Variants in SPATA6 observed in about 807,000 individuals in gnomAD.
The protein encoded by SPATA6 is spermatogenesis-associated protein 6.
In SPATA6, 56 loss-of-function variants were observed where a neutral mutation model predicts 65.3. That is an observed-to-expected ratio of 0.86 (90% CI 0.69 to 1.07). The LOEUF (loss-of-function observed/expected upper bound fraction) is 1.07. SPATA6 is among the 50% of genes least tolerant of loss of function. The pLI, the probability that SPATA6 is intolerant of heterozygous loss-of-function variation, is 0.00. For synonymous variants in SPATA6, 199 were observed against 213.2 expected, an observed-to-expected ratio of 0.93 and a Z score of 0.58; for missense variants, 590 against 594.8, an observed-to-expected ratio of 0.99 and a Z score of 0.08.
intron 7 of SPATA6, among the ~76,000 whole-genome samples, chr1:48,397,179 A>C (rs1021056411): frequency 6.6e-6 from 1 of 151,700 alleles, no homozygotes; most frequent in Non-Finnish European, 1.5e-5. Context: ...CAGAAAGCAG[A>C]TTAGTGATTG....
At position 48,356,067 on chromosome 1, in the gene SPATA6, G is replaced by A. The variant is rs190357627; in HGVS notation, c.1095-298C>T. Among the ~76,000 whole-genome samples, 7 of 151,780 alleles carry A rather than the reference G, an allele frequency of 4.6e-5. No homozygotes were observed. In the East Asian group the frequency reaches 1.4e-3, roughly 29 times the overall value. The stretch of plus-strand genomic sequence containing the variant: ...CTGTGTGAAAAAATTCCTTTCTGCA[G>A]AGAAAAAAAATACCTAATTTTATGA... On this transcript the variant is annotated intron_variant, in intron 10 of 12. Coordinates refer to ENST00000371847, the MANE Select transcript of SPATA6 (RefSeq NM_019073.4).
intron 9 of SPATA6, among the ~76,000 whole-genome samples, chr1:48,375,862 T>G (rs531081792): frequency 1.3e-5 from 2 of 152,154 alleles, no homozygotes; most frequent in East Asian, 3.9e-4. Flanking sequence ...TTGGATAATT[T>G]TTTATATAAA....
intron 11 of SPATA6, among the ~76,000 whole-genome samples, chr1:48,354,314 A>G (rs1646596607): frequency 1.3e-5 from 2 of 152,218 alleles, no homozygotes; most frequent in African/African-American, 4.8e-5. Flanking sequence ...TGTTAAAACC[A>G]TGTGCAACAT....
At chr1:48,292,586 G>C (rs1644775313), downstream of SPATA6, among the ~76,000 whole-genome samples, 1 of 152,248 alleles carries the variant, frequency 6.6e-6, no homozygotes, top group East Asian at 1.9e-4. Flanking sequence ...TGTTTATGTG[G>C]TGGCAAGAGG....
intron 11 of SPATA6, chr1:48,326,127 G>C (rs1011198829): frequency 6.5e-6 from 1 of 154,798 alleles, no homozygotes; most frequent in Non-Finnish European, 1.4e-5. Flanking sequence ...CCACCATCTT[G>C]CATCTTCCCC....
At position 48,296,056 on chromosome 1, in the gene SPATA6, G is replaced by A. The variant is rs190693948; in HGVS notation, c.*2657C>T. 1.9e-4 allele frequency: 29 copies of A among 151,514 alleles called. No individual in the cohort carries two copies. Among genetic ancestry groups the A allele is most frequent in the African/African-American group, 4.6e-4 (19 of 41,308 alleles). 9.4% of individuals were successfully genotyped at this position (151,514 alleles called of 1,614,324 possible). A position where few individuals can be genotyped will look rare whatever the true frequency, so the allele number is the denominator to read the frequency against. The stretch of plus-strand genomic sequence containing the variant: ...TTTTGACATTTTTCTAAATCCCAAG[G>A]TTTTTTATGATTTAAAGAAAAAAAT... On this transcript the variant is annotated 3_prime_UTR_variant, in exon 13 of 13. Transcript: ENST00000371847.
intron 3 of SPATA6, among the ~76,000 whole-genome samples, chr1:48,426,106 T>G (rs890368278): frequency 1.3e-4 from 20 of 152,054 alleles, no homozygotes; most frequent in Admixed American, 3.9e-4. Context: ...AATGAGAAAA[T>G]GTAGGGAATT....
At chr1:48,390,196 A>G (rs1276397397) in intron 8 of SPATA6, among the ~76,000 whole-genome samples, 1 of 152,168 alleles carries the variant, frequency 6.6e-6, no homozygotes, top group Non-Finnish European at 1.5e-5. Context: ...GATAAAGAAA[A>G]TGTTGTGTAT....
rs1302915620 is a variant in SPATA6, at chr1:48,371,364, A to G, written c.910-11594T>C. On this transcript the variant is annotated intron_variant, in intron 9 of 12. Coordinates refer to ENST00000371847, the MANE Select transcript of SPATA6 (RefSeq NM_019073.4). ...GAACTTCCTTAACTTGCTAAATGAT[A>G]GCTAACAAAACCTTACTGCAAATAA... is the stretch of plus-strand genomic sequence containing the variant. 2.0e-5 allele frequency among the ~76,000 whole-genome samples: 3 copies of G among 152,352 alleles called. No homozygotes were observed. The East Asian group carries it at 5.8e-4, about 29-fold the overall frequency.
chr1:48,308,180 T>G (rs999476314), intron 11 of SPATA6, among the ~76,000 whole-genome samples: 1 of 151,968 alleles, frequency 6.6e-6, no homozygotes, highest in African/African-American at 2.4e-5. Flanking sequence ...TTGCCTTCTT[T>G]TGTGTTAGAT....
At chr1:48,389,379 CA>C (rs554623322) in intron 8 of SPATA6, among the ~76,000 whole-genome samples, 133 of 152,162 alleles carry the variant, frequency 8.7e-4, no homozygotes, top group African/African-American at 3.1e-3. Context: ...AAATAATAAA[CA>C]AAAATTTCTG....
At chr1:48,355,406 A>C (rs959671969) in intron 11 of SPATA6, 3 of 277,642 alleles carry the variant, frequency 1.1e-5, no homozygotes, top group African/African-American at 6.6e-5. Context: ...TCATCAAGTC[A>C]CTATGTACTG....
chr1:48,354,961 G>T (rs1646615966), intron 11 of SPATA6, among the ~76,000 whole-genome samples: 1 of 151,896 alleles, frequency 6.6e-6, no homozygotes, highest in African/African-American at 2.4e-5. Flanking sequence ...CATGTATATA[G>T]AAACTTAAAA....
At chr1:48,288,376 T>C in the SPATA6 span, among the ~76,000 whole-genome samples, 1 of 152,206 alleles carries the variant, frequency 6.6e-6, no homozygotes, top group East Asian at 1.9e-4. Flanking sequence ...TTCCTCAAGA[T>C]GGCTGAACAG....
At chr1:48,356,070 A>G (rs1438608506) in intron 10 of SPATA6, among the ~76,000 whole-genome samples, 1 of 151,978 alleles carries the variant, frequency 6.6e-6, no homozygotes, top group Non-Finnish European at 1.5e-5. Context: ...TTCTGCAGAG[A>G]AAAAAAATAC....
intron 5 of SPATA6, among the ~76,000 whole-genome samples, chr1:48,405,202 AC>A (rs1651584466): frequency 2.0e-5 from 3 of 152,190 alleles, no homozygotes; most frequent in Non-Finnish European, 4.4e-5. Context: ...TACAGTCTAC[AC>A]TCAAGAAGAG....
chr1:48,441,583 G>A (rs989013022), intron 3 of SPATA6, among the ~76,000 whole-genome samples: 3 of 152,122 alleles, frequency 2.0e-5, no homozygotes. Context: ...TCTGGGCACT[G>A]GAAGGAACAA....
intron 3 of SPATA6, among the ~76,000 whole-genome samples, chr1:48,440,103 C>G (rs968881970): frequency 2.0e-5 from 3 of 152,000 alleles, no homozygotes; most frequent in Non-Finnish European, 4.4e-5. Flanking sequence ...AAAGATAAGC[C>G]TCCTCTAATC....
chr1:48,446,892 T>C (rs1247350131), intron 3 of SPATA6, among the ~76,000 whole-genome samples: 3 of 151,508 alleles, frequency 2.0e-5, no homozygotes, highest in Non-Finnish European at 1.5e-5. Flanking sequence ...TTGAACCACA[T>C]GTTTGAACTG....
Sources: allele counts gnomAD v4.1 joint callset (sites outside exome capture counted in the v4.1 genomes callset), GRCh38; gene constraint gnomAD v4.1.1; transcripts MANE v1.5; gene names NCBI Gene and HGNC (gene_info 2026-07-23, HGNC 2026-07-21).